CACNA2D3: variants seen among roughly 807,000 people sequenced by gnomAD.
CACNA2D3 encodes the protein calcium voltage-gated channel auxiliary subunit alpha2delta 3.
CACNA2D3 carries 60 observed loss-of-function variants against 160.6 expected under a neutral mutation model. The ratio of observed to expected loss-of-function variants is 0.37; its 90% CI spans 0.30 to 0.46. CACNA2D3 has a LOEUF of 0.46. CACNA2D3 is among the 20% of genes least tolerant of loss of function. The probability of loss-of-function intolerance (pLI) is 1.00; values close to 1 mark genes in which losing one functional copy is unlikely to be tolerated. For synonymous variants in CACNA2D3, 558 were observed against 492.9 expected, an observed-to-expected ratio of 1.13 and a Z score of -1.75; for missense variants, 1,205 against 1,365.0, an observed-to-expected ratio of 0.88 and a Z score of 1.85.
At chr3:54,221,091 TGCATTTCC>T (rs1356515443) in intron 2 of CACNA2D3, among the ~76,000 whole-genome samples, 1 of 152,190 alleles carries the variant, frequency 6.6e-6, no homozygotes, top group Non-Finnish European at 1.5e-5. Flanking sequence ...GCGCTTTGAG[TGCATTTCC>T]GCATTTCATT....
At chr3:54,822,958 G>A (rs62254517) in intron 14 of CACNA2D3, among the ~76,000 whole-genome samples, 1 of 151,466 alleles carries the variant, frequency 6.6e-6, no homozygotes, top group Non-Finnish European at 1.5e-5. Flanking sequence ...GGGTTCAAGC[G>A]ATTCTCTTGC....
chr3:54,361,129 T>C (rs1448913594), intron 3 of CACNA2D3, among the ~76,000 whole-genome samples: 1 of 151,778 alleles, frequency 6.6e-6, no homozygotes, highest in African/African-American at 2.4e-5. Flanking sequence ...AACATGCCAG[T>C]GAAAATGTTT....
At position 54,896,209 on chromosome 3, in the gene CACNA2D3, T is replaced by C. The variant is rs544637072; in HGVS notation, c.2247-540T>C. ...AGGGCGGGGATGCACACAGGGGGCA[T>C]GAGCAGGCCTGTTTGTCCAGCGAGG... On this transcript the variant is annotated intron_variant, in intron 25 of 37. Transcript: ENST00000474759. Among the ~76,000 whole-genome samples, 6 of 152,244 alleles carry C rather than the reference T, an allele frequency of 3.9e-5. No homozygotes were observed. The South Asian group carries it at 1.0e-3, about 26-fold the overall frequency.
intron 34 of CACNA2D3, among the ~76,000 whole-genome samples, chr3:55,010,024 G>C (rs1703175767): frequency 6.6e-6 from 1 of 152,128 alleles, no homozygotes; most frequent in Non-Finnish European, 1.5e-5. Flanking sequence ...AAGCACAATG[G>C]GGAAAAATAA....
intron 11 of CACNA2D3, among the ~76,000 whole-genome samples, chr3:54,687,165 G>A: frequency 1.1e-5 from 1 of 93,082 alleles, no homozygotes; most frequent in Admixed American, 1.4e-4. Context: ...TTTTGACACT[G>A]GGCCTCACCC....
chr3:55,073,890 T>A (rs1427369711), intron 37 of CACNA2D3, 31 bp downstream of exon 37: 2 of 1,569,828 alleles, frequency 1.3e-6, no homozygotes, highest in Admixed American at 1.7e-5. Flanking sequence ...TGTTTCCTTT[T>A]CCCATCAGAA....
At chr3:54,197,545 C>G (rs1173661584) in intron 2 of CACNA2D3, 1 of 152,128 alleles carries the variant, frequency 6.6e-6, no homozygotes, top group Non-Finnish European at 1.5e-5. Flanking sequence ...CATCTTCTTT[C>G]TCTGGTTTGG....
At chr3:54,609,383 A>T (rs544752687) in intron 9 of CACNA2D3, among the ~76,000 whole-genome samples, 1 of 152,180 alleles carries the variant, frequency 6.6e-6, no homozygotes, top group Non-Finnish European at 1.5e-5. Flanking sequence ...AGCCCTGGCA[A>T]ATTAATACAG....
intron 16 of CACNA2D3, among the ~76,000 whole-genome samples, chr3:54,844,720 A>C (rs1559602411): frequency 6.6e-6 from 1 of 152,298 alleles, no homozygotes; most frequent in East Asian, 1.9e-4. Flanking sequence ...ATTGATTATT[A>C]TAATTTTGAT....
chr3:54,584,617 A>G (rs55905928), intron 9 of CACNA2D3, among the ~76,000 whole-genome samples: 5,824 of 152,294 alleles, frequency 0.038, 200 homozygotes, highest in Middle Eastern at 0.15. Flanking sequence ...GAGGTATTTA[A>G]AGATGTATTG....
chr3:54,782,761 A>C (rs1226085991), intron 13 of CACNA2D3, among the ~76,000 whole-genome samples: 1 of 152,174 alleles, frequency 6.6e-6, no homozygotes. Flanking sequence ...TTATGACTAC[A>C]TCATTTAGAA....
chr3:54,589,030 G>C (rs1463461344), intron 9 of CACNA2D3, among the ~76,000 whole-genome samples: 2 of 151,952 alleles, frequency 1.3e-5, no homozygotes, highest in Non-Finnish European at 2.9e-5. Flanking sequence ...GAGTATTCTA[G>C]AGTTTACCTA....
intron 35 of CACNA2D3, among the ~76,000 whole-genome samples, chr3:55,033,852 T>TTAATATATAATATATATTACATAA (rs1213347525): frequency 9.3e-6 from 1 of 108,032 alleles, no homozygotes; most frequent in Non-Finnish European, 1.8e-5. Flanking sequence ...TATTACATAT[T>TTAATATATAATATATATTACATAA]AAATATATTT....
intron 2 of CACNA2D3, among the ~76,000 whole-genome samples, chr3:54,291,146 T>A (rs1703192547): frequency 6.6e-6 from 1 of 152,260 alleles, no homozygotes; most frequent in Non-Finnish European, 1.5e-5. Flanking sequence ...TTGTTGCTTT[T>A]AACTAGCCTG....
intron 4 of CACNA2D3, among the ~76,000 whole-genome samples, chr3:54,402,777 G>A (rs1341516047): frequency 6.6e-6 from 1 of 152,090 alleles, no homozygotes; most frequent in African/African-American, 2.4e-5. Flanking sequence ...AGAAAAAAAT[G>A]GACTTAACAA....
At chr3:54,862,337 CAAAAT>C (rs1306168162) in intron 17 of CACNA2D3, among the ~76,000 whole-genome samples, 1 of 151,628 alleles carries the variant, frequency 6.6e-6, no homozygotes, top group African/African-American at 2.4e-5. Context: ...AAAAGCAAAA[CAAAAT>C]AAAGCTATTA....
At chr3:54,143,919 A>G (rs771373461) in intron 2 of CACNA2D3, among the ~76,000 whole-genome samples, 10 of 152,196 alleles carry the variant, frequency 6.6e-5, no homozygotes, top group Non-Finnish European at 1.5e-4. Flanking sequence ...GCTATGTTAT[A>G]ATGGGAAGAT....
At chr3:54,441,323 T>C (rs1700141046) in intron 4 of CACNA2D3, among the ~76,000 whole-genome samples, 2 of 152,220 alleles carry the variant, frequency 1.3e-5, no homozygotes, top group Non-Finnish European at 2.9e-5. Flanking sequence ...CACCCACTTT[T>C]TGTTGGGGTT....
chr3:54,996,676 C>T (rs1400026094), intron 31 of CACNA2D3, among the ~76,000 whole-genome samples: 4 of 152,180 alleles, frequency 2.6e-5, no homozygotes, highest in Admixed American at 6.5e-5. Flanking sequence ...GCAGGTGGCA[C>T]CTCCTATTTG....
Sources: gnomAD v4.1 joint callset for allele counts (sites outside exome capture counted in the v4.1 genomes callset) on GRCh38, gnomAD v4.1.1 for gene constraint, MANE v1.5 for transcripts, NCBI Gene and HGNC (gene_info 2026-07-23, HGNC 2026-07-21) for gene names.